The following FIGNL2 variants were observed in gnomAD, a reference collection of about 807,000 sequenced individuals.
The protein encoded by FIGNL2 is fidgetin like 2.
For synonymous variants in FIGNL2, 565 were observed against 484.0 expected (o/e 1.17, Z -2.20); for missense variants, 1,060 against 950.2 (o/e 1.12, Z -1.52).
chr12:51,845,936 G>A (rs1939742073), intron 1 of FIGNL2, among the ~76,000 whole-genome samples: 1 of 152,186 alleles, frequency 6.6e-6, no homozygotes, highest in East Asian at 1.9e-4. Context: ...GGACTTGGGG[G>A]GGTGGGGTAG....
At chr12:51,832,125 T>C (rs1401180682) in intron 1 of FIGNL2, among the ~76,000 whole-genome samples, 1 of 152,188 alleles carries the variant, frequency 6.6e-6, no homozygotes, top group Non-Finnish European at 1.5e-5. Flanking sequence ...TAAGCAATTC[T>C]CCTGCCTCAG....
chr12:51,825,123 C>G (rs1273447908), intron 1 of FIGNL2, among the ~76,000 whole-genome samples: 1 of 144,782 alleles, frequency 6.9e-6, no homozygotes, highest in Non-Finnish European at 1.5e-5. Flanking sequence ...TTTTTTTTTT[C>G]TATTTACTAT....
chr12:51,824,096 T>G (rs987811906), intron 1 of FIGNL2: 2 of 152,246 alleles, frequency 1.3e-5, no homozygotes, highest in African/African-American at 4.8e-5. Flanking sequence ...ACGTACCGTA[T>G]TCCCTTCCTC....
At position 51,821,581 on chromosome 12, in the gene FIGNL2, T is replaced by A; in HGVS notation, c.833A>T (p.Tyr278Phe). The A allele has an allele frequency of 6.6e-7, 1 of 1,523,978 alleles. No individual in the cohort carries two copies. Among genetic ancestry groups the A allele is most frequent in the Non-Finnish European group, 8.7e-7 (1 of 1,142,882 alleles). The allele number at this position is 1,523,978 out of a possible 1,614,324, so 94.4% of individuals were successfully genotyped here. The change falls in exon 2 of 2, where the codon TAC (tyrosine) becomes TTC (phenylalanine). Residue 278 changes from tyrosine (Y) to phenylalanine (F), a missense_variant. Coordinates refer to ENST00000618634, the MANE Select transcript of FIGNL2 (RefSeq NM_001384995.1). ...KAADEGPEGR[Y>F]RKYAYEPAKA... ...GGCGGGCTCGTACGCGTACTTGCGG[T>A]AGCGGCCCTCGGGCCCCTCGTCGGC... is the stretch of plus-strand genomic sequence containing the variant.
chr12:51,848,641 C>CT lies in FIGNL2; in HGVS notation c.-114dup, dbSNP rs1339610049. The CT allele has an allele frequency of 3.1e-6, 2 of 636,546 alleles. No individual in the cohort carries two copies. The highest frequency in any genetic ancestry group is 4.0e-5 in the African/African-American group (2 of 50,268). The allele number at this position is 636,546 out of a possible 1,614,324, so 39.4% of individuals were successfully genotyped here. On this transcript the variant is annotated 5_prime_UTR_variant, in exon 1 of 2. An upstream open reading frame in the 5' UTR loses its in-frame stop. Coordinates refer to ENST00000618634, the MANE Select transcript of FIGNL2 (RefSeq NM_001384995.1). The stretch of plus-strand genomic sequence containing the variant: ...GCGGGCCGGGGGCGACAGGCCTGGG[C>CT]TGGGGGGCAGTGGCGCTCACCATCC...
At position 51,848,631 on chromosome 12, in the gene FIGNL2, C is replaced by A; in HGVS notation, c.-103G>T. On this transcript the variant is annotated 5_prime_UTR_variant, in exon 1 of 2. Transcript: ENST00000618634. Reference sequence around the variant, plus strand: ...GGGCGGCGGCGCGGGCCGGGGGCGACAGGCCTGGGCTGGGGGGCAGTGGCG... The same window carrying A: ...GGGCGGCGGCGCGGGCCGGGGGCGAAAGGCCTGGGCTGGGGGGCAGTGGCG... The A allele has an allele frequency of 1.4e-6, 1 of 719,458 alleles. No individual in the cohort carries two copies. Among genetic ancestry groups the A allele is most frequent in the Non-Finnish European group, 1.7e-6 (1 of 587,602 alleles). The allele number at this position is 719,458 out of a possible 1,614,324, so 44.6% of individuals were successfully genotyped here. A position where few individuals can be genotyped will look rare whatever the true frequency, so the allele number is the denominator to read the frequency against.
At chr12:51,847,737 G>A in intron 1 of FIGNL2, 1 of 985,438 alleles carries the variant, frequency 1.0e-6, no homozygotes, top group Non-Finnish European at 1.2e-6. Flanking sequence ...AGGGTGCTCA[G>A]CAATCTGCGA....
At position 51,820,459 on chromosome 12, in the gene FIGNL2, C is replaced by A; in HGVS notation, c.1955G>T (p.Gly652Val). Reference protein sequence around the residue: ...FVEWDKMYGSGH With the variant: ...FVEWDKMYGSVH ...GGCCTCCCCCGCGCGCCGTCAGTGT[C>A]CGGAGCCGTACATTTTGTCCCACTC... The change falls in exon 2 of 2, where the codon GGA becomes GTA. Residue 652 changes from glycine (G) to valine (V), a missense_variant. Transcript: ENST00000618634. 6.3e-7 allele frequency: 1 copy of A among 1,588,990 alleles called. No individual in the cohort carries two copies. Among genetic ancestry groups the A allele is most frequent in the South Asian group, 1.1e-5 (1 of 88,802 alleles).
chr12:51,821,770 C>T lies in FIGNL2; in HGVS notation c.644G>A (p.Gly215Asp). Residue 215 changes from glycine to aspartate, a missense_variant, in exon 2 of 2, where the codon GGC becomes GAC. Gly to Asp is a moderately conservative substitution (Grantham distance 94). Transcript: ENST00000618634. ...YPAGGYAAQP[G>D]YGALPPPPGP... Reference sequence around the variant, plus strand: ...TGGGGGCGGCGGGAGCGCGCCATAGCCGGGCTGCGCTGCGTAGCCCCCTGC... The same window carrying T: ...TGGGGGCGGCGGGAGCGCGCCATAGTCGGGCTGCGCTGCGTAGCCCCCTGC... The T allele has an allele frequency of 2.3e-6, 3 of 1,279,344 alleles. No individual in the cohort carries two copies. Among genetic ancestry groups the T allele is most frequent in the Non-Finnish European group, 2.9e-6 (3 of 1,019,494 alleles). The allele number at this position is 1,279,344 out of a possible 1,614,324, so 79.2% of individuals were successfully genotyped here. A position where few individuals can be genotyped will look rare whatever the true frequency, so the allele number is the denominator to read the frequency against.
intron 1 of FIGNL2, among the ~76,000 whole-genome samples, chr12:51,843,020 G>C (rs970873493): frequency 6.6e-6 from 1 of 152,208 alleles, no homozygotes; most frequent in Admixed American, 6.5e-5. Flanking sequence ...CAACACCAAA[G>C]CTGGGGCCAC....
chr12:51,844,253 G>A (rs1437775853), intron 1 of FIGNL2, among the ~76,000 whole-genome samples: 1 of 152,150 alleles, frequency 6.6e-6, no homozygotes, highest in Non-Finnish European at 1.5e-5. Context: ...GGTCATAACT[G>A]GTCATCAAAA....
chr12:51,835,741 C>T (rs1444772241), intron 1 of FIGNL2, among the ~76,000 whole-genome samples: 1 of 151,926 alleles, frequency 6.6e-6, no homozygotes, highest in Non-Finnish European at 1.5e-5. Context: ...GCTGCTCTAT[C>T]TTGAACTTCT....
chr12:51,836,318 C>T (rs530870404), intron 1 of FIGNL2, among the ~76,000 whole-genome samples: 2 of 152,260 alleles, frequency 1.3e-5, no homozygotes, highest in South Asian at 2.1e-4. Context: ...CTTTGGGCTG[C>T]GCTGCCCTCC....
intron 1 of FIGNL2, among the ~76,000 whole-genome samples, chr12:51,825,324 C>T (rs1440183563): frequency 6.6e-6 from 1 of 152,146 alleles, no homozygotes; most frequent in Non-Finnish European, 1.5e-5. Context: ...CCGCCAGCCC[C>T]TATGCTCCTA....
chr12:51,836,082 A>T (rs1939574203), intron 1 of FIGNL2, among the ~76,000 whole-genome samples: 1 of 152,114 alleles, frequency 6.6e-6, no homozygotes, highest in South Asian at 2.1e-4. Flanking sequence ...AAGCGCTGGG[A>T]TTACAGGAGT....
At chr12:51,842,175 C>G (rs1939674433) in intron 1 of FIGNL2, 1 of 152,306 alleles carries the variant, frequency 6.6e-6, no homozygotes, top group Admixed American at 6.5e-5. Context: ...TTTTACGCAG[C>G]TCCTTTTTTC....
intron 1 of FIGNL2, among the ~76,000 whole-genome samples, chr12:51,833,351 C>G (rs1175860167): frequency 6.6e-6 from 1 of 152,130 alleles, no homozygotes; most frequent in Non-Finnish European, 1.5e-5. Context: ...CTGTGCCTGG[C>G]CTCACTTCCA....
intron 1 of FIGNL2, among the ~76,000 whole-genome samples, chr12:51,825,283 G>C (rs994130871): frequency 6.6e-6 from 1 of 152,158 alleles, no homozygotes; most frequent in Non-Finnish European, 1.5e-5. Context: ...AGAAGACTCA[G>C]ATCTGGACTT....
At chr12:51,844,369 G>A (rs1470040919) in intron 1 of FIGNL2, among the ~76,000 whole-genome samples, 1 of 152,196 alleles carries the variant, frequency 6.6e-6, no homozygotes, top group Non-Finnish European at 1.5e-5. Flanking sequence ...TCCAAAGGCT[G>A]ACACTGTCCA....
Sources: allele counts gnomAD v4.1 joint callset (sites outside exome capture counted in the v4.1 genomes callset), GRCh38; gene constraint gnomAD v4.1.1; transcripts MANE v1.5; gene names NCBI Gene and HGNC (gene_info 2026-07-23, HGNC 2026-07-21).